SLCO6A1: variants seen among roughly 807,000 people sequenced by gnomAD.
SLCO6A1 encodes the protein solute carrier organic anion transporter family member 6A1, also known as cancer/testis antigen 48.
SLCO6A1 carries 65 observed loss-of-function variants against 72.7 expected under a neutral mutation model. That is an observed-to-expected ratio of 0.89 (90% CI 0.73 to 1.10). The LOEUF is 1.10. Ranked by LOEUF, SLCO6A1 falls within the 50% of genes least tolerant of loss-of-function variation. The pLI is 0.00. For synonymous variants in SLCO6A1, 314 were observed against 298.2 expected (o/e 1.05, Z -0.55); for missense variants, 874 against 872.6 (o/e 1.00, Z -0.02).
intron 4 of SLCO6A1, among the ~76,000 whole-genome samples, chr5:102,462,615 A>T (rs761127898): frequency 6.6e-6 from 1 of 152,196 alleles, no homozygotes; most frequent in Non-Finnish European, 1.5e-5. Context: ...TTGACAAAGC[A>T]AACAAAAATT....
intron 4 of SLCO6A1, among the ~76,000 whole-genome samples, chr5:102,462,400 T>C (rs937585056): frequency 3.3e-5 from 5 of 152,054 alleles, no homozygotes; most frequent in Non-Finnish European, 4.4e-5. Context: ...AAAATTCACA[T>C]GGAACTGAAA....
intron 4 of SLCO6A1, among the ~76,000 whole-genome samples, chr5:102,460,164 C>A (rs1437299287): frequency 6.6e-6 from 1 of 152,110 alleles, no homozygotes; most frequent in Non-Finnish European, 1.5e-5. Context: ...AGCACTGAGA[C>A]CTTTATGACA....
At chr5:102,426,541 G>A (rs754097696) in intron 7 of SLCO6A1, among the ~76,000 whole-genome samples, 12 of 152,196 alleles carry the variant, frequency 7.9e-5, no homozygotes, top group Non-Finnish European at 1.8e-4. Context: ...CTGGTTATTA[G>A]AGAAATGCAA....
intron 4 of SLCO6A1, among the ~76,000 whole-genome samples, chr5:102,473,402 A>G (rs887377482): frequency 6.6e-6 from 1 of 152,108 alleles, no homozygotes; most frequent in East Asian, 1.9e-4. Flanking sequence ...CAGAAAAAGC[A>G]TCTGACAAAA....
At chr5:102,425,219 A>G (rs1748825562) in intron 7 of SLCO6A1, among the ~76,000 whole-genome samples, 1 of 152,226 alleles carries the variant, frequency 6.6e-6, no homozygotes, top group South Asian at 2.1e-4. Flanking sequence ...CAAGACAAGG[A>G]TGCCCTCTCG....
chr5:102,439,960 GCTTT>G (rs1160239829), intron 6 of SLCO6A1, among the ~76,000 whole-genome samples: 1 of 152,132 alleles, frequency 6.6e-6, no homozygotes, highest in Non-Finnish European at 1.5e-5. Context: ...ACTTGGAAAG[GCTTT>G]CTAATTGTCA....
chr5:102,460,670 T>C (rs554814587), intron 4 of SLCO6A1, among the ~76,000 whole-genome samples: 1 of 151,902 alleles, frequency 6.6e-6, no homozygotes, highest in Middle Eastern at 3.2e-3. Context: ...AATGCTCACA[T>C]CCACAGAAAC....
chr5:102,470,509 C>G (rs1751552113), intron 4 of SLCO6A1, among the ~76,000 whole-genome samples: 1 of 152,086 alleles, frequency 6.6e-6, no homozygotes, highest in Non-Finnish European at 1.5e-5. Context: ...GGTGATATCC[C>G]TTTTATCATT....
chr5:102,493,830 T>C (rs908399793), intron 1 of SLCO6A1, among the ~76,000 whole-genome samples: 5 of 152,190 alleles, frequency 3.3e-5, no homozygotes, highest in African/African-American at 9.6e-5. Flanking sequence ...GAAGATGATA[T>C]ATCCAGCATG....
At chr5:102,392,793 C>CA (rs1207748491) in intron 10 of SLCO6A1, among the ~76,000 whole-genome samples, 3 of 151,870 alleles carry the variant, frequency 2.0e-5, no homozygotes, top group Admixed American at 2.0e-4. Flanking sequence ...ACTCTCCCAA[C>CA]ATGTAAAAGG....
At chr5:102,386,201 A>G (rs1746408652) in intron 12 of SLCO6A1, among the ~76,000 whole-genome samples, 1 of 151,990 alleles carries the variant, frequency 6.6e-6, no homozygotes, top group Admixed American at 6.5e-5. Context: ...GCCTGGATCC[A>G]CTGTGATAGG....
At chr5:102,468,521 G>A (rs563703303) in intron 4 of SLCO6A1, among the ~76,000 whole-genome samples, 33 of 152,122 alleles carry the variant, frequency 2.2e-4, no homozygotes, top group African/African-American at 7.7e-4. Flanking sequence ...CCAGCATTAA[G>A]TACATATATA....
intron 7 of SLCO6A1, among the ~76,000 whole-genome samples, chr5:102,421,265 A>G (rs866355219): frequency 6.6e-6 from 1 of 151,906 alleles, no homozygotes; most frequent in African/African-American, 2.4e-5. Flanking sequence ...AACCCCAGTG[A>G]GACAGAACTG....
chr5:102,403,687 T>C (rs2112561149), intron 9 of SLCO6A1, among the ~76,000 whole-genome samples: 1 of 152,238 alleles, frequency 6.6e-6, no homozygotes, highest in Admixed American at 6.5e-5. Context: ...TTAAACTATT[T>C]GAATTATTTA....
chr5:102,425,421 G>T (rs1452549557), intron 7 of SLCO6A1, among the ~76,000 whole-genome samples: 1 of 152,152 alleles, frequency 6.6e-6, no homozygotes, highest in East Asian at 1.9e-4. Context: ...CTTTGGCAAA[G>T]TCTCAGGATA....
At chr5:102,498,147 A>T (rs1752990071) in intron 1 of SLCO6A1, among the ~76,000 whole-genome samples, 1 of 152,190 alleles carries the variant, frequency 6.6e-6, no homozygotes, top group Non-Finnish European at 1.5e-5. Flanking sequence ...AATTATCTTT[A>T]AAAACTCTGA....
intron 9 of SLCO6A1, among the ~76,000 whole-genome samples, chr5:102,411,794 A>G (rs1382793901): frequency 6.6e-6 from 1 of 152,206 alleles, no homozygotes; most frequent in Non-Finnish European, 1.5e-5. Flanking sequence ...TTTCTTTGTC[A>G]TATTTTGAAA....
chr5:102,408,903 A>G (rs1248035159), intron 9 of SLCO6A1, among the ~76,000 whole-genome samples: 1 of 152,194 alleles, frequency 6.6e-6, no homozygotes, highest in East Asian at 1.9e-4. Flanking sequence ...CTTGCTTCTT[A>G]TAATCCTTAA....
chr5:102,380,004 T>C (rs866745236), intron 12 of SLCO6A1, among the ~76,000 whole-genome samples: 7 of 152,016 alleles, frequency 4.6e-5, no homozygotes, highest in Admixed American at 1.3e-4. Flanking sequence ...TATCATATTG[T>C]ATTTTAATTT....
Sources: gnomAD v4.1 joint callset for allele counts (sites outside exome capture counted in the v4.1 genomes callset) on GRCh38, gnomAD v4.1.1 for gene constraint, MANE v1.5 for transcripts, NCBI Gene and HGNC (gene_info 2026-07-23, HGNC 2026-07-21) for gene names.